SIPA1L2: variants seen among roughly 807,000 people sequenced by gnomAD.
The protein encoded by SIPA1L2 is signal induced proliferation associated 1 like 2, also known as signal-induced proliferation-associated 1-like protein 2.
SIPA1L2 carries 56 observed loss-of-function variants against 163.9 expected under a neutral mutation model. The ratio of observed to expected loss-of-function variants is 0.34; its 90% confidence interval spans 0.28 to 0.43. The LOEUF (loss-of-function observed/expected upper bound fraction) is 0.43, where lower values mean the gene tolerates loss of function less well. Ranked by LOEUF, SIPA1L2 falls within the 20% of genes least tolerant of loss-of-function variation. The pLI, the probability that SIPA1L2 is intolerant of heterozygous loss-of-function variation, is 1.00. For missense variants in SIPA1L2, 1,974 were observed against 2,193.5 expected (o/e 0.90, Z 2.00); for synonymous variants, 877 against 865.7 (o/e 1.01, Z -0.23).
At chr1:232,587,204 G>A (rs909774856) in intron 1 of SIPA1L2, among the ~76,000 whole-genome samples, 1 of 152,162 alleles carries the variant, frequency 6.6e-6, no homozygotes, top group East Asian at 1.9e-4. Flanking sequence ...CATAAAGTAT[G>A]AACTGATACA....
At chr1:232,441,268 G>C (rs759040430) in intron 14 of SIPA1L2, 23 bp downstream of exon 14, 1 of 1,566,412 alleles carries the variant, frequency 6.4e-7, no homozygotes, top group South Asian at 1.2e-5. Flanking sequence ...GGCCAGTGAA[G>C]GGCTTATGAA....
At chr1:232,417,139 C>A (rs886287899) in intron 18 of SIPA1L2, among the ~76,000 whole-genome samples, 11 of 152,124 alleles carry the variant, frequency 7.2e-5, no homozygotes, top group Admixed American at 1.3e-4. Context: ...AATTTTTATT[C>A]CCACATCCTT....
At chr1:232,503,260 A>G (rs1666569018) in intron 3 of SIPA1L2, among the ~76,000 whole-genome samples, 1 of 152,218 alleles carries the variant, frequency 6.6e-6, no homozygotes, top group African/African-American at 2.4e-5. Flanking sequence ...GCAGTGCAGG[A>G]AATGAAGATG....
intron 19 of SIPA1L2, among the ~76,000 whole-genome samples, chr1:232,412,224 G>A (rs1160251716): frequency 1.3e-5 from 2 of 152,252 alleles, no homozygotes; most frequent in South Asian, 2.1e-4. Flanking sequence ...TAGCATAAAC[G>A]AGGTAGACTA....
At chr1:232,620,491 C>T (rs1374015373) in intron 1 of SIPA1L2, among the ~76,000 whole-genome samples, 1 of 152,198 alleles carries the variant, frequency 6.6e-6, no homozygotes, top group African/African-American at 2.4e-5. Flanking sequence ...TTCCTCATTC[C>T]ATGCACATAT....
rs191677798 is a variant in SIPA1L2 at position 232,454,089 on chromosome 1, C to T, written c.3095+6798G>A. ...CATAAAAAAATCAAAGGCTTCCAACCGGGAGATAACCACATAGTATAACTT... is the reference window on the plus strand; with the variant it reads ...CATAAAAAAATCAAAGGCTTCCAACTGGGAGATAACCACATAGTATAACTT... On this transcript the variant is annotated intron_variant, in intron 10 of 22. Transcript: ENST00000674635. 3.1e-4 allele frequency among the ~76,000 whole-genome samples: 47 copies of T among 152,152 alleles called. No homozygotes were observed. The East Asian group carries it at 4.1e-3, about 13-fold the overall frequency.
chr1:232,428,909 A>G (rs980370333), intron 16 of SIPA1L2, among the ~76,000 whole-genome samples: 1 of 152,176 alleles, frequency 6.6e-6, no homozygotes, highest in African/African-American at 2.4e-5. Context: ...AGAGATGATC[A>G]TATGTCTTTC....
intron 1 of SIPA1L2, among the ~76,000 whole-genome samples, chr1:232,598,866 G>A (rs933349399): frequency 1.3e-5 from 2 of 151,566 alleles, no homozygotes; most frequent in African/African-American, 4.8e-5. Flanking sequence ...AGTAGAGACT[G>A]GTGAGCAGAC....
intron 10 of SIPA1L2, among the ~76,000 whole-genome samples, chr1:232,455,411 G>A (rs1356143180): frequency 6.6e-6 from 1 of 152,172 alleles, no homozygotes; most frequent in Non-Finnish European, 1.5e-5. Context: ...GCCGGGTGCC[G>A]TGGCTCACGC....
In SIPA1L2 at chr1:232,490,238, A is replaced by G. The variant is rs150638437; in HGVS notation, c.1806+636T>C. 1.5e-3 allele frequency among the ~76,000 whole-genome samples: 221 copies of G among 152,256 alleles called. 1 individual carries two copies. The highest frequency in any genetic ancestry group is 2.7e-3 in the Non-Finnish European group (182 of 68,034). On this transcript the variant is annotated intron_variant, in intron 5 of 22. Coordinates refer to ENST00000674635, the MANE Select transcript of SIPA1L2 (RefSeq NM_020808.5). The stretch of plus-strand genomic sequence containing the variant: ...ACTAGTCATAGTTCCTAAAACAGCA[A>G]CTACTCATGTCTCCCTCTTAGAATT...
At chr1:232,462,101 G>T in intron 9 of SIPA1L2, 2 of 956,826 alleles carry the variant, frequency 2.1e-6, no homozygotes, top group Non-Finnish European at 3.3e-6. Context: ...GTCAACAGCA[G>T]TTCCACAAAA....
chr1:232,494,430 C>T (rs76967800), intron 3 of SIPA1L2, among the ~76,000 whole-genome samples: 215 of 152,342 alleles, frequency 1.4e-3, no homozygotes, highest in African/African-American at 4.9e-3. Context: ...TCACATTTGT[C>T]TCTTCCTCGT....
At chr1:232,554,354 C>T (rs967126017) in intron 2 of SIPA1L2, among the ~76,000 whole-genome samples, 7 of 152,122 alleles carry the variant, frequency 4.6e-5, no homozygotes, top group Non-Finnish European at 1.0e-4. Context: ...AGGGCTCCTA[C>T]AGGAAAGGAT....
At chr1:232,462,187 A>G in intron 9 of SIPA1L2, 2 of 1,541,484 alleles carry the variant, frequency 1.3e-6, no homozygotes, top group South Asian at 2.4e-5. Flanking sequence ...CCTCAAAAGC[A>G]CTCACCGAGC....
intron 3 of SIPA1L2, among the ~76,000 whole-genome samples, chr1:232,512,853 C>A (rs1667043765): frequency 6.6e-6 from 1 of 152,110 alleles, no homozygotes; most frequent in Non-Finnish European, 1.5e-5. Flanking sequence ...GCTATCTGTG[C>A]TAGAAGCAGA....
chr1:232,542,852 A>G (rs865877754), intron 2 of SIPA1L2, among the ~76,000 whole-genome samples: 1 of 152,152 alleles, frequency 6.6e-6, no homozygotes, highest in South Asian at 2.1e-4. Context: ...TTTCGCTCAT[A>G]TATACTCCTC....
chr1:232,559,658 C>T (rs1658919509), intron 2 of SIPA1L2, among the ~76,000 whole-genome samples: 1 of 152,038 alleles, frequency 6.6e-6, no homozygotes, highest in African/African-American at 2.4e-5. Flanking sequence ...AGAAAATTCT[C>T]CAAAATTTTG....
chr1:232,619,510 G>A (rs1470345989), intron 1 of SIPA1L2, among the ~76,000 whole-genome samples: 1 of 152,198 alleles, frequency 6.6e-6, no homozygotes, highest in Non-Finnish European at 1.5e-5. Context: ...CATGCCCTCT[G>A]ATAGTTCTGA....
intron 1 of SIPA1L2, among the ~76,000 whole-genome samples, chr1:232,594,871 G>A (rs554227473): frequency 3.2e-4 from 48 of 152,196 alleles, no homozygotes; most frequent in African/African-American, 1.1e-3. Flanking sequence ...GTTCCACTGC[G>A]GCTACACTGT....
Sources: allele counts gnomAD v4.1 joint callset (sites outside exome capture counted in the v4.1 genomes callset), GRCh38; gene constraint gnomAD v4.1.1; transcripts MANE v1.5; gene names NCBI Gene and HGNC (gene_info 2026-07-23, HGNC 2026-07-21).